CHCHD2: variants seen among roughly 807,000 people sequenced by gnomAD.
CHCHD2 encodes the protein coiled-coil-helix-coiled-coil-helix domain containing 2, also known as coiled-coil-helix-coiled-coil-helix domain-containing protein 2.
CHCHD2 carries 17 observed loss-of-function variants against 17.5 expected under a neutral mutation model. The observed-to-expected ratio is 0.97, with a 90% CI of 0.67 to 1.46. The LOEUF (loss-of-function observed/expected upper bound fraction) is 1.46. Ranked by LOEUF, CHCHD2 falls within the 40% of genes most tolerant of loss-of-function variation. The pLI is 0.00. For synonymous variants in CHCHD2, 63 were observed against 74.3 expected (o/e 0.85, Z 0.78); for missense variants, 175 against 199.9 (o/e 0.88, Z 0.75).
chr7:56,101,965 GGTTTTTT>G lies in CHCHD2; in HGVS notation c.446-111_446-105del, dbSNP rs796511079. 315 of 1,170,814 alleles carry G rather than the reference GGTTTTTT, an allele frequency of 2.7e-4. 3 individuals are homozygous for G. In the African/African-American group the frequency reaches 3.2e-3, roughly 12 times the overall value. The allele number at this position is 1,170,814 out of a possible 1,614,324, so 72.5% of individuals were successfully genotyped here. A position where few individuals can be genotyped will look rare whatever the true frequency, so the allele number is the denominator to read the frequency against. The stretch of plus-strand genomic sequence containing the variant: ...GCAGCGACAAAAGGCCAAGGCTATG[GGTTTTTT>G]GTTTTTTGTTTTTTTTTGATAAAAA... On this transcript the variant is annotated intron_variant, in intron 3 of 3. Coordinates refer to ENST00000395422, the MANE Select transcript of CHCHD2 (RefSeq NM_016139.4).
At chr7:56,102,244 ATTTTGGT>A (rs1785297895) in intron 3 of CHCHD2, among the ~76,000 whole-genome samples, 1 of 152,108 alleles carries the variant, frequency 6.6e-6, no homozygotes, top group Admixed American at 6.6e-5. Flanking sequence ...CTATTCCTGG[ATTTTGGT>A]GAAAACAGAA....
Position 56,104,309 on chromosome 7 carries a change from C to T in CHCHD2, c.217G>A (p.Gly73Arg). ...GTAATGGCGTGACCCAATGTGTGCCCCACAGCAGAGCCCACAGCCACGCCA... is the reference window on the plus strand; with the variant it reads ...GTAATGGCGTGACCCAATGTGTGCCTCACAGCAGAGCCCACAGCCACGCCA... ...AAGVAVGSAVGHTLGHAITGG... is the reference protein window; with the variant it reads ...AAGVAVGSAVRHTLGHAITGG... Residue 73 changes from glycine (G) to arginine (R), a missense_variant, in exon 2 of 4, where the codon GGG becomes AGG. Physicochemically the swap from Gly to Arg is moderately radical, Grantham distance 125. Transcript: ENST00000395422. 1 of 1,613,862 alleles carries T rather than the reference C, an allele frequency of 6.2e-7. No individual in the cohort carries two copies. Among genetic ancestry groups the T allele is most frequent in the Non-Finnish European group, 8.5e-7 (1 of 1,179,788 alleles).
chr7:56,104,134 CAA>C, intron 2 of CHCHD2, 90 bp downstream of exon 2: 1 of 1,538,402 alleles, frequency 6.5e-7, no homozygotes, highest in Non-Finnish European at 8.9e-7. Context: ...GTTCTAAAAT[CAA>C]AGACAATTCC....
chr7:56,106,450 C>G lies in CHCHD2; in HGVS notation c.-37G>C, dbSNP rs554200294. ...GACGGCTAGGCCTCCGGACGTGGGA[C>G]AACCACCGAAGAGCTAAGCGACTTC... On this transcript the variant is annotated 5_prime_UTR_variant, in exon 1 of 4. Coordinates refer to ENST00000395422, the MANE Select transcript of CHCHD2 (RefSeq NM_016139.4). 5.0e-6 allele frequency: 8 copies of G among 1,607,642 alleles called. No individual in the cohort carries two copies. The South Asian group carries it at 7.7e-5, about 15-fold the overall frequency.
chr7:56,103,725 G>T (rs1315817058), intron 2 of CHCHD2, among the ~76,000 whole-genome samples: 1 of 152,198 alleles, frequency 6.6e-6, no homozygotes, highest in African/African-American at 2.4e-5. Flanking sequence ...ATGGTTTACT[G>T]AAGCTTCAGG....
intron 1 of CHCHD2, among the ~76,000 whole-genome samples, chr7:56,106,069 T>C (rs1297094619): frequency 6.6e-6 from 1 of 152,180 alleles, no homozygotes; most frequent in Non-Finnish European, 1.5e-5. Context: ...CCGGATTATT[T>C]CCTTGGGTGC....
In CHCHD2 at chr7:56,102,976, C is replaced by A. The variant is rs1390851365; in HGVS notation, c.336G>T (p.Gln112His). 4.3e-6 allele frequency: 7 copies of A among 1,612,996 alleles called. No homozygotes were observed. The highest frequency in any genetic ancestry group is 5.9e-6 in the Non-Finnish European group (7 of 1,179,160). Residue 112 changes from glutamine (Q) to histidine (H), a missense_variant, in exon 3 of 4, where the codon CAG (glutamine) becomes CAT (histidine). Coordinates refer to ENST00000395422, the MANE Select transcript of CHCHD2 (RefSeq NM_016139.4). ...PQGTQPAQQQ[Q>H]PCLYEIKQFL... ...ACTGTTTGATCTCATAGAGGCAAGGCTGCTGCTGCTGTGCTGGCTGGGTTC... is the reference window on the plus strand; with the variant it reads ...ACTGTTTGATCTCATAGAGGCAAGGATGCTGCTGCTGTGCTGGCTGGGTTC...
At chr7:56,105,251 C>T (rs17151447) in intron 1 of CHCHD2, among the ~76,000 whole-genome samples, 2,900 of 152,218 alleles carry the variant, frequency 0.019, 54 homozygotes, top group Admixed American at 0.049. Context: ...CTAGGACATA[C>T]TAGTTTTTTC....
At chr7:56,104,201 A>G (rs1785338745) in intron 2 of CHCHD2, 25 bp downstream of exon 2, 1 of 1,608,256 alleles carries the variant, frequency 6.2e-7, no homozygotes, top group Admixed American at 1.7e-5. Flanking sequence ...CACCCATGGA[A>G]GGGAAATGCT....
At chr7:56,101,954 C>T in intron 3 of CHCHD2, 93 bp from the exon 4 acceptor site, 1 of 1,238,880 alleles carries the variant, frequency 8.1e-7, no homozygotes, top group Non-Finnish European at 1.2e-6. Flanking sequence ...CGACAAAAGG[C>T]CAAGGCTATG....
chr7:56,106,251 G>T, intron 1 of CHCHD2, 113 bp downstream of exon 1: 1 of 942,638 alleles, frequency 1.1e-6, no homozygotes, highest in Non-Finnish European at 1.6e-6. Context: ...GCAGAGGCGA[G>T]CCCACGCCGC....
Position 56,106,307 on chromosome 7 carries a change from T to C in CHCHD2, c.50+57A>G, listed in dbSNP as rs975849397. 4.6e-6 allele frequency: 7 copies of C among 1,536,348 alleles called. No individual in the cohort carries two copies. In the Admixed American group the frequency reaches 1.1e-4, roughly 25 times the overall value. On this transcript the variant is annotated intron_variant, in intron 1 of 3. Transcript: ENST00000395422. The stretch of plus-strand genomic sequence containing the variant: ...CGCCCGCGGCCTCCCTCTGCGTCAT[T>C]GCCCCAGTAGAGTCCGGACGGCCGC...
In CHCHD2 at chr7:56,101,821, T is replaced by C. The variant is rs188323175; in HGVS notation, c.*30A>G. On this transcript the variant is annotated 3_prime_UTR_variant, in exon 4 of 4. Transcript: ENST00000395422. ...AAATTAACTTAGTTATGAGAGCTGATTTTCCATCTCTCCAGGTTGAACTTC... is the reference window on the plus strand; with the variant it reads ...AAATTAACTTAGTTATGAGAGCTGACTTTCCATCTCTCCAGGTTGAACTTC... 61 of 1,599,290 alleles carry C rather than the reference T, an allele frequency of 3.8e-5. No homozygotes were observed. In the African/African-American group the frequency reaches 5.8e-4, roughly 15 times the overall value.
chr7:56,102,224 G>T (rs1291033083), intron 3 of CHCHD2, among the ~76,000 whole-genome samples: 3 of 152,138 alleles, frequency 2.0e-5, no homozygotes, highest in African/African-American at 7.2e-5. Context: ...CCAGGTATCA[G>T]TCTTTTTGTC....
At position 56,102,907 on chromosome 7, in the gene CHCHD2, C is replaced by A. The variant is rs775396143; in HGVS notation, c.405G>T (p.Glu135Asp). Residue 135 changes from glutamate (E) to aspartate (D), a missense_variant, in exon 3 of 4, where the codon GAG becomes GAT. By Grantham distance (45) the Glu-to-Asp change is conservative (BLOSUM62 2). Transcript: ENST00000395422. ...ACTGTTTCAGCACCTCATTGAAACCCTCACAGAGCTTGATGTCACCCTGGT... is the reference window on the plus strand; with the variant it reads ...ACTGTTTCAGCACCTCATTGAAACCATCACAGAGCTTGATGTCACCCTGGT... ...AQNQGDIKLC[E>D]GFNEVLKQCR... is the part of the protein sequence containing the mutation. The A allele has an allele frequency of 6.3e-5, 102 of 1,614,034 alleles. 1 individual carries two copies. In the South Asian group the frequency reaches 8.2e-4, roughly 13 times the overall value.
intron 2 of CHCHD2, among the ~76,000 whole-genome samples, chr7:56,104,003 T>C (rs182300262): frequency 6.6e-6 from 1 of 152,324 alleles, no homozygotes. Context: ...AAGTGGACTG[T>C]TGTAAGTCTC....
rs891843958 is a variant in CHCHD2 at position 56,101,964 on chromosome 7, G to A, written c.446-103C>T. 17 of 1,167,450 alleles carry A rather than the reference G, an allele frequency of 1.5e-5. No homozygotes were observed. The Admixed American group carries it at 2.0e-4, about 14-fold the overall frequency. 72.3% of individuals were successfully genotyped at this position (1,167,450 alleles called of 1,614,324 possible). On this transcript the variant is annotated intron_variant, in intron 3 of 3. Coordinates refer to ENST00000395422, the MANE Select transcript of CHCHD2 (RefSeq NM_016139.4). The stretch of plus-strand genomic sequence containing the variant: ...AGCAGCGACAAAAGGCCAAGGCTAT[G>A]GGTTTTTTGTTTTTTGTTTTTTTTT...
At position 56,102,933 on chromosome 7, in the gene CHCHD2, T is replaced by A; in HGVS notation, c.379A>T (p.Asn127Tyr). The A allele has an allele frequency of 6.2e-7, 1 of 1,614,138 alleles. No homozygotes were observed. Among genetic ancestry groups the A allele is most frequent in the Non-Finnish European group, 8.5e-7 (1 of 1,179,992 alleles). ...EIKQFLECAQ[N>Y]QGDIKLCEGF... is the part of the protein sequence containing the mutation. ...TCACAGAGCTTGATGTCACCCTGGT[T>A]CTGGGCACACTCCAGAAACTGTTTG... is the stretch of plus-strand genomic sequence containing the variant. The change falls in exon 3 of 4, where the codon AAC becomes TAC. Residue 127 changes from asparagine to tyrosine, a missense_variant. Asn to Tyr is a moderately radical substitution (Grantham distance 143). Transcript: ENST00000395422.
chr7:56,102,922 G>C lies in CHCHD2; in HGVS notation c.390C>G (p.Asp130Glu). 1 of 1,614,070 alleles carries C rather than the reference G, an allele frequency of 6.2e-7. No individual in the cohort carries two copies. Among genetic ancestry groups the C allele is most frequent in the Non-Finnish European group, 8.5e-7 (1 of 1,179,942 alleles). The change falls in exon 3 of 4, where the codon GAC (aspartate) becomes GAG (glutamate). Residue 130 changes from aspartate (D) to glutamate (E), a missense_variant. Asp to Glu is a conservative substitution (Grantham distance 45, BLOSUM62 2). Coordinates refer to ENST00000395422, the MANE Select transcript of CHCHD2 (RefSeq NM_016139.4). ...QFLECAQNQG[D>E]IKLCEGFNEV... ...CATTGAAACCCTCACAGAGCTTGAT[G>C]TCACCCTGGTTCTGGGCACACTCCA...
Sources: allele counts gnomAD v4.1 joint callset (sites outside exome capture counted in the v4.1 genomes callset), GRCh38; gene constraint gnomAD v4.1.1; transcripts MANE v1.5; gene names NCBI Gene and HGNC (gene_info 2026-07-23, HGNC 2026-07-21).